MSRA: variants seen among roughly 807,000 people sequenced by gnomAD.
The protein encoded by MSRA is methionine sulfoxide reductase A.
MSRA carries 54 observed loss-of-function variants against 31.3 expected under a neutral mutation model. That is an observed-to-expected ratio of 1.73 (90% confidence interval 1.39 to 2.17). MSRA has a LOEUF of 2.17. Ranked by LOEUF, MSRA falls within the 30% of genes most tolerant of loss-of-function variation. MSRA has a pLI of 0.00. For missense variants in MSRA, 507 were observed against 300.9 expected, an observed-to-expected ratio of 1.69 and a Z score of -5.07; for synonymous variants, 169 against 116.5, an observed-to-expected ratio of 1.45 and a Z score of -2.90.
chr8:10,081,638 C>T (rs1798298693), intron 1 of MSRA, among the ~76,000 whole-genome samples: 1 of 152,094 alleles, frequency 6.6e-6, no homozygotes, highest in South Asian at 2.1e-4. Flanking sequence ...TATAGGCGCC[C>T]ACAACGACGC....
rs1026923482 is a variant in MSRA at position 10,085,950 on chromosome 8, C to G, written c.142+31292C>G. ...GTTTCATTTTATTCCTTAGTGGCAGCAGATAGACCTTGCTGCTGGGTGTTC... is the reference window on the plus strand; with the variant it reads ...GTTTCATTTTATTCCTTAGTGGCAGGAGATAGACCTTGCTGCTGGGTGTTC... On this transcript the variant is annotated intron_variant, in intron 1 of 5. Transcript: ENST00000317173. 3.3e-5 allele frequency among the ~76,000 whole-genome samples: 5 copies of G among 152,150 alleles called. No homozygotes were observed. In the East Asian group the frequency reaches 5.8e-4, roughly 18 times the overall value.
At chr8:10,108,233 C>T (rs1018581213) in intron 1 of MSRA, among the ~76,000 whole-genome samples, 2 of 152,196 alleles carry the variant, frequency 1.3e-5, no homozygotes, top group African/African-American at 4.8e-5. Context: ...CACATCAGGC[C>T]TTCCTGGAGA....
intron 2 of MSRA, among the ~76,000 whole-genome samples, chr8:10,240,361 A>G (rs1456285641): frequency 2.0e-5 from 3 of 152,102 alleles, no homozygotes; most frequent in Non-Finnish European, 4.4e-5. Flanking sequence ...TGTGTAACCT[A>G]TCTCTGCCAT....
chr8:10,289,822 G>A (rs775429585), intron 3 of MSRA, among the ~76,000 whole-genome samples: 1 of 152,172 alleles, frequency 6.6e-6, no homozygotes, highest in East Asian at 1.9e-4. Flanking sequence ...CGTCCATGTT[G>A]TTCTGTTTGT....
intron 1 of MSRA, among the ~76,000 whole-genome samples, 178 bp downstream of exon 1, chr8:10,054,836 C>T (rs1269468674): frequency 2.6e-5 from 4 of 152,180 alleles, no homozygotes; most frequent in Non-Finnish European, 5.9e-5. Flanking sequence ...CGCTGGGGTC[C>T]ACTGACGTCC....
At chr8:10,210,594 A>G (rs1188027117) in intron 2 of MSRA, among the ~76,000 whole-genome samples, 2 of 152,202 alleles carry the variant, frequency 1.3e-5, no homozygotes, top group African/African-American at 2.4e-5. Flanking sequence ...AGCATGTATT[A>G]TTAATGCACA....
chr8:10,247,485 A>C (rs900254741), intron 3 of MSRA, among the ~76,000 whole-genome samples: 5 of 152,152 alleles, frequency 3.3e-5, no homozygotes, highest in Non-Finnish European at 7.4e-5. Flanking sequence ...TGTGCTTTTA[A>C]ATGATTAAGG....
chr8:10,079,490 A>G (rs1798173077), intron 1 of MSRA, among the ~76,000 whole-genome samples: 2 of 152,310 alleles, frequency 1.3e-5, no homozygotes, highest in South Asian at 2.1e-4. Context: ...CATTAATTAC[A>G]GGAACATCGC....
intron 2 of MSRA, among the ~76,000 whole-genome samples, chr8:10,222,668 A>G (rs543260087): frequency 1.3e-5 from 2 of 152,356 alleles, no homozygotes; most frequent in South Asian, 4.1e-4. Flanking sequence ...AGAAAGAAGG[A>G]AATCCTGTCG....
In MSRA at chr8:10,323,770, G is replaced by GTGTGTGTC. The variant is rs1390517566; in HGVS notation, c.543+3786_543+3787insGTCTGTGT. 7.5e-4 allele frequency among the ~76,000 whole-genome samples: 114 copies of GTGTGTGTC among 151,674 alleles called. 1 individual carries two copies. Among genetic ancestry groups the GTGTGTGTC allele is most frequent in the African/African-American group, 2.5e-3 (103 of 41,304 alleles). On this transcript the variant is annotated intron_variant, in intron 5 of 5. Transcript: ENST00000317173. ...CGTGTGTGTGTGTGTGTGTGTGTGT[G>GTGTGTGTC]TGTGTCTGTGTCTGTCTGTCTGCAT...
At position 10,428,502 on chromosome 8, in the gene MSRA, T is replaced by G; in HGVS notation, c.*190T>G. On this transcript the variant is annotated 3_prime_UTR_variant, in exon 6 of 6. Coordinates refer to ENST00000317173, the MANE Select transcript of MSRA (RefSeq NM_012331.5). ...AGTTGATAAAATGTGACTTATCTCC[T>G]AATAAGTTATGGTGGGAGTGGAGCT... 1.7e-6 allele frequency: 1 copy of G among 597,402 alleles called. No individual in the cohort carries two copies. Among genetic ancestry groups the G allele is most frequent in the Non-Finnish European group, 2.9e-6 (1 of 348,018 alleles). 37.0% of individuals were successfully genotyped at this position (597,402 alleles called of 1,614,324 possible). A position where few individuals can be genotyped will look rare whatever the true frequency, so the allele number is the denominator to read the frequency against.
chr8:10,128,850 A>G (rs1168876467), intron 1 of MSRA, among the ~76,000 whole-genome samples: 2 of 152,266 alleles, frequency 1.3e-5, no homozygotes, highest in African/African-American at 4.8e-5. Flanking sequence ...TGGACATAGT[A>G]GAATGAATCA....
intron 1 of MSRA, among the ~76,000 whole-genome samples, chr8:10,145,189 T>C (rs1255695535): frequency 6.6e-6 from 1 of 152,186 alleles, no homozygotes; most frequent in African/African-American, 2.4e-5. Flanking sequence ...GCCTATGCAG[T>C]GCGAGGCGAG....
rs944499198 is a variant in MSRA, at chr8:10,113,268, A to G, written c.142+58610A>G. Among the ~76,000 whole-genome samples, 7 of 110,330 alleles carry G rather than the reference A, an allele frequency of 6.3e-5. No individual in the cohort carries two copies. The Admixed American group carries it at 7.5e-4, about 12-fold the overall frequency. 72.4% of individuals were successfully genotyped at this position (110,330 alleles called of 152,430 possible). A position where few individuals can be genotyped will look rare whatever the true frequency, so the allele number is the denominator to read the frequency against. ...GGAGCCCTACCTGGGCTGGGGAGGC[A>G]TGGCTTTGGTGAAGACAGGTCTTCT... On this transcript the variant is annotated intron_variant, in intron 1 of 5. Coordinates refer to ENST00000317173, the MANE Select transcript of MSRA (RefSeq NM_012331.5).
intron 1 of MSRA, among the ~76,000 whole-genome samples, chr8:10,085,033 A>C (rs895773977): frequency 6.6e-6 from 1 of 152,208 alleles, no homozygotes; most frequent in Admixed American, 6.5e-5. Flanking sequence ...ATCATAAATA[A>C]ATCGTACTAT....
intron 2 of MSRA, among the ~76,000 whole-genome samples, chr8:10,238,035 C>T (rs997646270): frequency 1.3e-5 from 2 of 152,154 alleles, no homozygotes; most frequent in Admixed American, 6.5e-5. Context: ...GAGTAAAATC[C>T]GTAGTCCTTA....
At chr8:10,307,973 T>C (rs987219699) in intron 4 of MSRA, among the ~76,000 whole-genome samples, 1 of 152,206 alleles carries the variant, frequency 6.6e-6, no homozygotes. Flanking sequence ...TCTGGGTTTG[T>C]GGCCTTAGAG....
chr8:10,267,879 G>A (rs1003599313), intron 3 of MSRA, among the ~76,000 whole-genome samples: 1 of 152,232 alleles, frequency 6.6e-6, no homozygotes, highest in South Asian at 2.1e-4. Context: ...GCACGTGTTC[G>A]TTTGGGAGGC....
chr8:10,100,872 G>T (rs900193573), intron 1 of MSRA, among the ~76,000 whole-genome samples: 5 of 152,260 alleles, frequency 3.3e-5, no homozygotes, highest in Middle Eastern at 3.4e-3. Flanking sequence ...TACCCCTTAT[G>T]TGTGGATCTG....
Sources: gnomAD v4.1 joint callset for allele counts (sites outside exome capture counted in the v4.1 genomes callset) on GRCh38, gnomAD v4.1.1 for gene constraint, MANE v1.5 for transcripts, NCBI Gene and HGNC (gene_info 2026-07-23, HGNC 2026-07-21) for gene names.